The following ELAPOR1 variants were observed in gnomAD, a reference collection of about 807,000 sequenced individuals.
ELAPOR1 encodes the protein endosome/lysosome-associated apoptosis and autophagy regulator 1.
A neutral mutation model predicts 119.7 loss-of-function variants in ELAPOR1; 77 were observed. The observed-to-expected ratio is 0.64, with a 90% CI of 0.54 to 0.78. ELAPOR1 has a LOEUF of 0.78. Among genes scored for constraint, ELAPOR1 ranks in the 30% least tolerant of loss-of-function variants. The probability of loss-of-function intolerance (pLI) is 0.00; values close to 1 mark genes in which losing one functional copy is unlikely to be tolerated. For synonymous variants in ELAPOR1, 481 were observed against 487.2 expected (o/e 0.99, Z 0.17); for missense variants, 1,115 against 1,270.4 (o/e 0.88, Z 1.86).
intron 21 of ELAPOR1, 130 bp downstream of exon 21, chr1:109,201,030 TC>T: frequency 4.6e-6 from 4 of 867,468 alleles, no homozygotes; most frequent in Non-Finnish European, 6.9e-6. Flanking sequence ...CAATTCCATT[TC>T]CCCACTCTGA....
intron 1 of ELAPOR1, among the ~76,000 whole-genome samples, chr1:109,125,579 T>C (rs1217258260): frequency 6.7e-6 from 1 of 150,322 alleles, no homozygotes; most frequent in Non-Finnish European, 1.5e-5. Flanking sequence ...AGAGACAGCA[T>C]TTCACCATGT....
intron 11 of ELAPOR1, among the ~76,000 whole-genome samples, chr1:109,190,236 C>A (rs925480737): frequency 1.3e-5 from 2 of 152,164 alleles, no homozygotes; most frequent in Admixed American, 6.6e-5. Flanking sequence ...ACTGGCCGTG[C>A]GACCTTAGGA....
chr1:109,158,309 CTTTT>C (rs386368020), intron 1 of ELAPOR1, among the ~76,000 whole-genome samples: 1 of 131,634 alleles, frequency 7.6e-6, no homozygotes, highest in African/African-American at 2.8e-5. Context: ...TGACAGTTTT[CTTTT>C]TTTTTTTTTT....
At chr1:109,179,190 C>T (rs1252850100) in intron 7 of ELAPOR1, among the ~76,000 whole-genome samples, 1 of 151,660 alleles carries the variant, frequency 6.6e-6, no homozygotes, top group Non-Finnish European at 1.5e-5. Flanking sequence ...TGACTGAGCT[C>T]AGGAGTTTGA....
In ELAPOR1 at chr1:109,194,526, G is replaced by A. The variant is rs1359839875; in HGVS notation, c.2053G>A (p.Gly685Arg). ...ALANTVTLAG[G>R]PSFTSKGLKY... ...GGCAAACACTGTCACTCTTGCTGGA[G>A]GGCCAAGCTTCACTTCCAAAGGGCT... is the stretch of plus-strand genomic sequence containing the variant. The change falls in exon 15 of 22, where the codon GGG (glycine) becomes AGG (arginine). Residue 685 changes from glycine (G) to arginine (R), a missense_variant. By Grantham distance (125) the Gly-to-Arg change is moderately radical (BLOSUM62 -2). Transcript: ENST00000369939. 3 of 1,613,930 alleles carry A rather than the reference G, an allele frequency of 1.9e-6. No individual in the cohort carries two copies. The highest frequency in any genetic ancestry group is 2.5e-6 in the Non-Finnish European group (3 of 1,179,802).
At chr1:109,172,378 C>A (rs747060124) in intron 4 of ELAPOR1, 110 bp from the exon 5 acceptor site, 1 of 768,654 alleles carries the variant, frequency 1.3e-6, no homozygotes, top group Non-Finnish European at 2.2e-6. Flanking sequence ...AGGAAATTGG[C>A]AACTCTTCCC....
intron 1 of ELAPOR1, among the ~76,000 whole-genome samples, chr1:109,161,096 A>G (rs1558040357): frequency 1.3e-5 from 2 of 152,108 alleles, no homozygotes; most frequent in Non-Finnish European, 2.9e-5. Context: ...AGTCTTTCTG[A>G]GTGGAAAGGA....
At chr1:109,191,547 C>A in intron 12 of ELAPOR1, 76 bp downstream of exon 12, 1 of 1,394,914 alleles carries the variant, frequency 7.2e-7, no homozygotes, top group Non-Finnish European at 1.0e-6. Flanking sequence ...GGTGTGTCCA[C>A]GTGACTGACA....
chr1:109,177,321 G>GCTGCAATCTCGGCACTTT (rs1652390857), intron 7 of ELAPOR1, among the ~76,000 whole-genome samples: 1 of 135,412 alleles, frequency 7.4e-6, no homozygotes, highest in East Asian at 2.2e-4. Context: ...CTGGGCGGAG[G>GCTGCAATCTCGGCACTTT]GGCTCCTCAC....
chr1:109,183,417 A>C (rs1463517552), intron 7 of ELAPOR1, among the ~76,000 whole-genome samples: 1 of 152,166 alleles, frequency 6.6e-6, no homozygotes, highest in Non-Finnish European at 1.5e-5. Flanking sequence ...AATAAAATTA[A>C]AAAATGAATT....
intron 1 of ELAPOR1, among the ~76,000 whole-genome samples, chr1:109,143,142 C>A (rs1338383584): frequency 6.6e-6 from 1 of 152,114 alleles, no homozygotes; most frequent in Admixed American, 6.6e-5. Context: ...TAGAGATAGG[C>A]TTTTGCCATA....
intron 1 of ELAPOR1, among the ~76,000 whole-genome samples, chr1:109,146,417 A>G (rs1318140135): frequency 2.0e-5 from 3 of 152,188 alleles, no homozygotes; most frequent in African/African-American, 7.2e-5. Context: ...TCAGTGTGGA[A>G]GCTGTGTGGC....
chr1:109,155,172 T>A (rs992326607), intron 1 of ELAPOR1, among the ~76,000 whole-genome samples: 1 of 151,982 alleles, frequency 6.6e-6, no homozygotes, highest in African/African-American at 2.4e-5. Flanking sequence ...TGAGTGAACA[T>A]CATTATATAT....
intron 1 of ELAPOR1, among the ~76,000 whole-genome samples, chr1:109,118,127 C>CA (rs112431191): frequency 0.083 from 11,327 of 136,946 alleles, 465 homozygotes; most frequent in Non-Finnish European, 0.093. Context: ...AACTCCGTCT[C>CA]AAAAAAAAAA....
chr1:109,183,219 G>A (rs1272391970), intron 7 of ELAPOR1, among the ~76,000 whole-genome samples: 1 of 151,500 alleles, frequency 6.6e-6, no homozygotes, highest in East Asian at 1.9e-4. Context: ...AAGCACAATG[G>A]CTCATGCCTG....
intron 1 of ELAPOR1, among the ~76,000 whole-genome samples, chr1:109,159,900 C>A (rs1651141808): frequency 6.6e-6 from 1 of 152,218 alleles, no homozygotes; most frequent in Non-Finnish European, 1.5e-5. Context: ...TTAATTTATA[C>A]ACAGTGGATT....
chr1:109,146,324 T>TA (rs36072628), intron 1 of ELAPOR1, among the ~76,000 whole-genome samples: 11,937 of 150,410 alleles, frequency 0.079, 651 homozygotes, highest in African/African-American at 0.16. Context: ...CTGTCTCAAT[T>TA]AAAAAAAAAA....
chr1:109,139,455 T>C (rs1016505335), intron 1 of ELAPOR1, among the ~76,000 whole-genome samples: 1 of 152,228 alleles, frequency 6.6e-6, no homozygotes, highest in African/African-American at 2.4e-5. Flanking sequence ...TATAACAGTC[T>C]TGACCACACG....
intron 1 of ELAPOR1, among the ~76,000 whole-genome samples, chr1:109,158,227 G>C (rs1385584897): frequency 6.6e-6 from 1 of 151,510 alleles, no homozygotes; most frequent in Non-Finnish European, 1.5e-5. Context: ...AAAAGTAACA[G>C]ATACTATTTT....
Sources: allele counts gnomAD v4.1 joint callset (sites outside exome capture counted in the v4.1 genomes callset), GRCh38; gene constraint gnomAD v4.1.1; transcripts MANE v1.5; gene names NCBI Gene and HGNC (gene_info 2026-07-23, HGNC 2026-07-21).